HIBADH: variants seen among roughly 807,000 people sequenced by gnomAD.
HIBADH encodes the protein 3-hydroxyisobutyrate dehydrogenase, mitochondrial.
Under a neutral mutation model 36.1 loss-of-function variants are expected in HIBADH, and 25 were observed. The ratio of observed to expected loss-of-function variants is 0.69; its 90% CI spans 0.50 to 0.97. HIBADH has a LOEUF of 0.97. Among genes scored for constraint, HIBADH ranks in the 50% least tolerant of loss-of-function variants. HIBADH has a pLI of 0.00. For synonymous variants in HIBADH, 160 were observed against 149.5 expected, an observed-to-expected ratio of 1.07 and a Z score of -0.51; for missense variants, 421 against 418.0, an observed-to-expected ratio of 1.01 and a Z score of -0.06.
At chr7:27,654,989 A>G (rs1786271288) in intron 1 of HIBADH, among the ~76,000 whole-genome samples, 1 of 152,002 alleles carries the variant, frequency 6.6e-6, no homozygotes, top group Admixed American at 6.6e-5. Context: ...ACCCAGCCAC[A>G]CTCTCTTGAC....
chr7:27,586,577 AATT>A (rs1784867411), intron 4 of HIBADH, among the ~76,000 whole-genome samples: 1 of 151,648 alleles, frequency 6.6e-6, no homozygotes, highest in South Asian at 2.1e-4. Context: ...TATATTCTCT[AATT>A]ATTTTTACTT....
intron 4 of HIBADH, among the ~76,000 whole-genome samples, chr7:27,573,376 T>C (rs1164281372): frequency 6.6e-6 from 1 of 152,196 alleles, no homozygotes; most frequent in Non-Finnish European, 1.5e-5. Context: ...TGGAACTTCT[T>C]TATATCTCTG....
intron 2 of HIBADH, among the ~76,000 whole-genome samples, chr7:27,637,703 C>T (rs1382660219): frequency 6.6e-6 from 1 of 152,120 alleles, no homozygotes; most frequent in Non-Finnish European, 1.5e-5. Flanking sequence ...TAGTCTCAGC[C>T]CAAATCTCCT....
chr7:27,567,874 G>A (rs1784570988), intron 4 of HIBADH, among the ~76,000 whole-genome samples: 1 of 151,542 alleles, frequency 6.6e-6, no homozygotes, highest in Non-Finnish European at 1.5e-5. Flanking sequence ...GATTTTTTTT[G>A]ACTTTACATT....
intron 4 of HIBADH, among the ~76,000 whole-genome samples, chr7:27,605,706 C>A (rs932227162): frequency 2.1e-4 from 31 of 150,612 alleles, no homozygotes; most frequent in African/African-American, 7.6e-4. Flanking sequence ...ATATCAACAA[C>A]CTAAAAACAA....
At chr7:27,651,705 C>G (rs1050213753) in intron 1 of HIBADH, among the ~76,000 whole-genome samples, 1 of 152,168 alleles carries the variant, frequency 6.6e-6, no homozygotes, top group Non-Finnish European at 1.5e-5. Context: ...TTCACAAATT[C>G]AACAAACACT....
At chr7:27,631,654 C>T (rs1295120603) in intron 3 of HIBADH, among the ~76,000 whole-genome samples, 9 of 152,202 alleles carry the variant, frequency 5.9e-5, no homozygotes, top group African/African-American at 9.6e-5. Flanking sequence ...CCAGGGAAGA[C>T]AGGCACTGAT....
chr7:27,600,865 C>T (rs906000108), intron 4 of HIBADH, among the ~76,000 whole-genome samples: 12 of 152,028 alleles, frequency 7.9e-5, no homozygotes, highest in Non-Finnish European at 1.6e-4. Flanking sequence ...AAACTGCTGA[C>T]AATCTTATTT....
intron 4 of HIBADH, among the ~76,000 whole-genome samples, chr7:27,557,653 T>A (rs967125866): frequency 9.9e-5 from 15 of 152,120 alleles, no homozygotes; most frequent in African/African-American, 3.6e-4. Context: ...CATTGTGTCT[T>A]CACATGGCAG....
At chr7:27,584,020 A>C (rs1784826267) in intron 4 of HIBADH, among the ~76,000 whole-genome samples, 1 of 152,044 alleles carries the variant, frequency 6.6e-6, no homozygotes, top group Admixed American at 6.5e-5. Flanking sequence ...TTAAATGCAG[A>C]AGCAGATATA....
At chr7:27,593,073 G>A (rs1784970189) in intron 4 of HIBADH, among the ~76,000 whole-genome samples, 1 of 151,960 alleles carries the variant, frequency 6.6e-6, no homozygotes, top group Non-Finnish European at 1.5e-5. Context: ...ATACTCCTAT[G>A]GTTCAATGTA....
chr7:27,650,728 A>C lies in HIBADH; in HGVS notation c.92-1095T>G, dbSNP rs991862030. Among the ~76,000 whole-genome samples, 12 of 148,418 alleles carry C rather than the reference A, an allele frequency of 8.1e-5. No individual in the cohort carries two copies. The Admixed American group carries it at 8.3e-4, about 10-fold the overall frequency. ...GGCTGCCATTAAAAAAAAAAAAAAAAAAGCCTTAAAAACTACACAGGTTTT... is the reference window on the plus strand; with the variant it reads ...GGCTGCCATTAAAAAAAAAAAAAAACAAGCCTTAAAAACTACACAGGTTTT... On this transcript the variant is annotated intron_variant, in intron 1 of 7. Transcript: ENST00000265395.
rs1554300959 is a variant in HIBADH at position 27,645,368 on chromosome 7, A to ATGTTTTTTTTTTTTTTTTTTTTTT, written c.252+4104_252+4105insAAAAAAAAAAAAAAAAAAAAAACA. 1.7e-4 allele frequency among the ~76,000 whole-genome samples: 10 copies of ATGTTTTTTTTTTTTTTTTTTTTTT among 59,650 alleles called. 4 individuals carry two copies. Among genetic ancestry groups the ATGTTTTTTTTTTTTTTTTTTTTTT allele is most frequent in the Non-Finnish European group, 2.8e-4 (9 of 31,792 alleles). The allele number at this position is 59,650 out of a possible 152,430, so 39.1% of individuals were successfully genotyped here. A position where few individuals can be genotyped will look rare whatever the true frequency, so the allele number is the denominator to read the frequency against. ...CTAGTGGGTGTGTCTCATGGTTTTGATTTTTTTTTTTTTTTTTTTTTTTTT... is the reference window on the plus strand; with the variant it reads ...CTAGTGGGTGTGTCTCATGGTTTTGATGTTTTTTTTTTTTTTTTTTTTTTTTTTTTTTTTTTTTTTTTTTTTTTT... On this transcript the variant is annotated intron_variant, in intron 2 of 7. Coordinates refer to ENST00000265395, the MANE Select transcript of HIBADH (RefSeq NM_152740.4).
chr7:27,534,896 C>G (rs957482305), intron 6 of HIBADH, among the ~76,000 whole-genome samples: 5 of 151,324 alleles, frequency 3.3e-5, no homozygotes, highest in African/African-American at 1.2e-4. Flanking sequence ...TTCACAACAA[C>G]CCAGTGGATA....
intron 4 of HIBADH, among the ~76,000 whole-genome samples, chr7:27,608,133 A>G (rs1413024253): frequency 6.6e-6 from 1 of 152,200 alleles, no homozygotes; most frequent in East Asian, 1.9e-4. Flanking sequence ...ACTAACAGTC[A>G]ATAATAACTC....
At chr7:27,633,492 T>C (rs114311777) in intron 2 of HIBADH, among the ~76,000 whole-genome samples, 300 of 152,170 alleles carry the variant, frequency 2.0e-3, no homozygotes, top group African/African-American at 7.0e-3. Context: ...ACTCCATCTC[T>C]ACCAAAAAAT....
Position 27,527,917 on chromosome 7 carries a change from C to CTTTTTTTTTTTTT in HIBADH, c.853-1546_853-1545insAAAAAAAAAAAAA, listed in dbSNP as rs1562609863. On this transcript the variant is annotated intron_variant, in intron 7 of 7. Coordinates refer to ENST00000265395, the MANE Select transcript of HIBADH (RefSeq NM_152740.4). The stretch of plus-strand genomic sequence containing the variant: ...AGGCATTTGCCACCACCACACCCAG[C>CTTTTTTTTTTTTT]GTTTTTTTTTTTTTTTTTTTTTTTT... Among the ~76,000 whole-genome samples, 514 of 76,974 alleles carry CTTTTTTTTTTTTT rather than the reference C, an allele frequency of 6.7e-3. 194 individuals are homozygous for CTTTTTTTTTTTTT. Among genetic ancestry groups the CTTTTTTTTTTTTT allele is most frequent in the African/African-American group, 0.016 (287 of 18,304 alleles). The allele number at this position is 76,974 out of a possible 152,430, so 50.5% of individuals were successfully genotyped here.
intron 4 of HIBADH, among the ~76,000 whole-genome samples, chr7:27,617,425 A>G (rs568484725): frequency 2.0e-5 from 3 of 152,352 alleles, no homozygotes; most frequent in East Asian, 1.9e-4. Context: ...TCCTAACACT[A>G]TAACAACTTA....
intron 4 of HIBADH, among the ~76,000 whole-genome samples, chr7:27,545,187 T>C (rs186751051): frequency 3.1e-4 from 47 of 152,322 alleles, no homozygotes; most frequent in Non-Finnish European, 5.4e-4. Context: ...ACATCTGTAA[T>C]CCCAGCACTT....
Sources: allele counts gnomAD v4.1 joint callset (sites outside exome capture counted in the v4.1 genomes callset), GRCh38; gene constraint gnomAD v4.1.1; transcripts MANE v1.5; gene names NCBI Gene and HGNC (gene_info 2026-07-23, HGNC 2026-07-21).